The following NINJ2 variants were observed in gnomAD, a reference collection of about 807,000 sequenced individuals.
NINJ2 encodes ninjurin-2.
A neutral mutation model predicts 11.7 loss-of-function variants in NINJ2; 12 were observed. That is an observed-to-expected ratio of 1.02 (90% CI 0.66 to 1.66). NINJ2 has a LOEUF of 1.66. Ranked by LOEUF, NINJ2 falls within the 40% of genes most tolerant of loss-of-function variation. NINJ2 has a pLI of 0.00. For synonymous variants in NINJ2, 93 were observed against 76.8 expected, an observed-to-expected ratio of 1.21 and a Z score of -1.10; for missense variants, 187 against 181.8, an observed-to-expected ratio of 1.03 and a Z score of -0.16.
chr12:589,160 G>A (rs1947684902), intron 1 of NINJ2, among the ~76,000 whole-genome samples: 1 of 152,114 alleles, frequency 6.6e-6, no homozygotes, highest in African/African-American at 2.4e-5. Context: ...AGGGTGTGTG[G>A]GCTAAATAAG....
At chr12:615,719 C>T (rs1313364984) in intron 1 of NINJ2, among the ~76,000 whole-genome samples, 1 of 152,240 alleles carries the variant, frequency 6.6e-6, no homozygotes, top group African/African-American at 2.4e-5. Context: ...TTGCTTCACT[C>T]CACTAGTACA....
intron 1 of NINJ2, among the ~76,000 whole-genome samples, chr12:638,850 C>G (rs964943306): frequency 6.6e-6 from 1 of 152,228 alleles, no homozygotes; most frequent in South Asian, 2.1e-4. Flanking sequence ...TGCTTTAGCA[C>G]CTATGTTCCC....
chr12:592,426 A>C (rs11063772), intron 1 of NINJ2, among the ~76,000 whole-genome samples: 13,858 of 152,200 alleles, frequency 0.091, 850 homozygotes, highest in African/African-American at 0.18. Flanking sequence ...TCTGGCCAGG[A>C]GCGGTGGCTC....
intron 1 of NINJ2, among the ~76,000 whole-genome samples, chr12:584,915 G>A (rs923660128): frequency 3.3e-5 from 5 of 152,044 alleles, no homozygotes; most frequent in Admixed American, 2.6e-4. Context: ...TCAGGAGTTC[G>A]AGACCAGCCT....
At chr12:565,895 T>C (rs754692824) in intron 2 of NINJ2, 55 bp downstream of exon 2, 1 of 1,529,860 alleles carries the variant, frequency 6.5e-7, no homozygotes, top group South Asian at 1.1e-5. Flanking sequence ...GTGGGGCCTT[T>C]CTGCCAGCCA....
chr12:569,959 G>A (rs1163361060), intron 1 of NINJ2, among the ~76,000 whole-genome samples: 1 of 152,156 alleles, frequency 6.6e-6, no homozygotes, highest in East Asian at 1.9e-4. Flanking sequence ...ACGTGACTTG[G>A]GCGCCGCGGC....
intron 1 of NINJ2, among the ~76,000 whole-genome samples, chr12:612,287 T>C (rs1948042327): frequency 2.0e-5 from 3 of 152,202 alleles, no homozygotes; most frequent in Non-Finnish European, 4.4e-5. Flanking sequence ...CAGTGAAACC[T>C]GCATCCTAAC....
chr12:630,357 T>C (rs548517278), intron 1 of NINJ2, among the ~76,000 whole-genome samples: 66 of 152,058 alleles, frequency 4.3e-4, no homozygotes, highest in African/African-American at 1.5e-3. Context: ...CTCTTTTTCT[T>C]GGTTTTTTGT....
intron 1 of NINJ2, among the ~76,000 whole-genome samples, chr12:635,028 A>G (rs1222785180): frequency 1.3e-5 from 2 of 151,572 alleles, no homozygotes; most frequent in East Asian, 3.9e-4. Context: ...TACAGGTGTC[A>G]ATCACTACAC....
intron 1 of NINJ2, among the ~76,000 whole-genome samples, chr12:566,870 C>T (rs1028471048): frequency 3.3e-5 from 5 of 152,124 alleles, no homozygotes; most frequent in African/African-American, 1.2e-4. Context: ...TTTACTAAAG[C>T]TTCTCCAGAA....
In NINJ2 at chr12:628,392, G is replaced by A. The variant is rs184140506; in HGVS notation, c.33+34936C>T. On this transcript the variant is annotated intron_variant, in intron 1 of 3. Transcript: ENST00000305108. This position sits in a 1 kb window ranked among gnomAD's most constrained non-coding sequence, Gnocchi z 4.4. ...CCGTTCTTCTGCGTCTCCTCACAGC[G>A]TCACCTACAAGGGTCTGGCACACAG... Among the ~76,000 whole-genome samples, 137 of 152,226 alleles carry A rather than the reference G, an allele frequency of 9.0e-4. No individual in the cohort carries two copies. The highest frequency in any genetic ancestry group is 3.4e-3 in the Middle Eastern group (1 of 294).
intron 1 of NINJ2, among the ~76,000 whole-genome samples, chr12:638,661 C>G (rs1948383455): frequency 6.6e-6 from 1 of 152,182 alleles, no homozygotes. Context: ...GTGATCCGCC[C>G]GCCTCGGCCT....
chr12:569,345 G>A (rs983777809), intron 1 of NINJ2, among the ~76,000 whole-genome samples: 84 of 152,258 alleles, frequency 5.5e-4, no homozygotes, highest in Non-Finnish European at 2.6e-4. Flanking sequence ...GTTTGTCCTC[G>A]GTCTCCAAGA....
At chr12:657,544 G>A (rs1214156213) in intron 1 of NINJ2, among the ~76,000 whole-genome samples, 3 of 152,074 alleles carry the variant, frequency 2.0e-5, no homozygotes, top group African/African-American at 7.2e-5. Context: ...AGCTGAGATC[G>A]GGCCACTGCA....
intron 1 of NINJ2, among the ~76,000 whole-genome samples, chr12:662,176 A>C (rs1218358876): frequency 1.3e-5 from 2 of 152,256 alleles, no homozygotes; most frequent in African/African-American, 4.8e-5. Context: ...GAGATAAGCC[A>C]GGGAAAGAAG....
chr12:623,866 T>C (rs893745104), intron 1 of NINJ2, among the ~76,000 whole-genome samples: 1 of 152,128 alleles, frequency 6.6e-6, no homozygotes, highest in Non-Finnish European at 1.5e-5. Context: ...AGACCCTGTC[T>C]CTACAAAAAA....
intron 1 of NINJ2, among the ~76,000 whole-genome samples, chr12:592,954 T>C (rs1234244957): frequency 6.6e-6 from 1 of 151,964 alleles, no homozygotes; most frequent in African/African-American, 2.4e-5. Flanking sequence ...TATCAGTAGA[T>C]TGAGTAAATG....
intron 1 of NINJ2, among the ~76,000 whole-genome samples, chr12:618,266 T>TGAGGAGGTGGGGGTGAGGAGTTGGTAAG (rs111846761): frequency 5.3e-5 from 1 of 18,868 alleles, no homozygotes; most frequent in Non-Finnish European, 1.0e-4. Context: ...GAGTTGGTAA[T>TGAGGAGGTGGGGGTGAGGAGTTGGTAAG]GAGGTGGGGG....
chr12:574,540 A>T (rs1436738887), intron 1 of NINJ2, among the ~76,000 whole-genome samples: 1 of 58,230 alleles, frequency 1.7e-5, no homozygotes, highest in Non-Finnish European at 5.7e-5. Context: ...TCTCAGGATT[A>T]AAAAAAAAAA....
Sources: gnomAD v4.1 joint callset for allele counts (sites outside exome capture counted in the v4.1 genomes callset) on GRCh38, gnomAD v4.1.1 for gene constraint, Gnocchi (gnomAD v3.1) non-coding constraint, MANE v1.5 for transcripts, NCBI Gene and HGNC (gene_info 2026-07-23, HGNC 2026-07-21) for gene names.